FAXC: variants seen among roughly 807,000 people sequenced by gnomAD.
The protein encoded by FAXC is failed axon connections homolog, metaxin like GST domain containing.
A neutral mutation model predicts 41.9 loss-of-function variants in FAXC; 10 were observed. That is an observed-to-expected ratio of 0.24 (90% CI 0.15 to 0.41). The LOEUF (loss-of-function observed/expected upper bound fraction) is 0.41, where lower values mean the gene tolerates loss of function less well. Among genes scored for constraint, FAXC ranks in the 10% least tolerant of loss-of-function variants. FAXC has a pLI of 1.00. For missense variants in FAXC, 399 were observed against 510.9 expected (o/e 0.78, Z 2.11); for synonymous variants, 183 against 183.8 (o/e 1.00, Z 0.03).
At position 99,272,500 on chromosome 6, in the gene FAXC, G is replaced by C. The variant is rs1369810086; in HGVS notation, c.*8664C>G. On this transcript the variant is annotated 3_prime_UTR_variant, in exon 6 of 6. Coordinates refer to ENST00000389677, the MANE Select transcript of FAXC (RefSeq NM_032511.4). The stretch of plus-strand genomic sequence containing the variant: ...TAATTGAGACAATATTTATACAAGG[G>C]GAAATTGGTCTATTATAAGGCCTAG... 1 of 152,076 alleles carries C rather than the reference G, an allele frequency of 6.6e-6. No homozygotes were observed. The highest frequency in any genetic ancestry group is 1.5e-5 in the Non-Finnish European group (1 of 68,030). The allele number at this position is 152,076 out of a possible 1,614,324, so 9.4% of individuals were successfully genotyped here.
intron 5 of FAXC, among the ~76,000 whole-genome samples, chr6:99,287,038 G>C (rs1771055133): frequency 6.6e-6 from 1 of 152,080 alleles, no homozygotes; most frequent in Admixed American, 6.5e-5. Flanking sequence ...AGATGAGCAA[G>C]AGTATATATT....
intron 4 of FAXC, among the ~76,000 whole-genome samples, chr6:99,322,598 T>C (rs888727770): frequency 6.6e-6 from 1 of 152,230 alleles, no homozygotes; most frequent in South Asian, 2.1e-4. Context: ...CCTGGTCAGA[T>C]GACCTAGTCA....
intron 1 of FAXC, among the ~76,000 whole-genome samples, chr6:99,346,995 C>G (rs1773617360): frequency 6.6e-6 from 1 of 152,120 alleles, no homozygotes; most frequent in Non-Finnish European, 1.5e-5. Context: ...AGTATGGTGG[C>G]TCACACCTAT....
chr6:99,282,194 G>A (rs2128446506), intron 5 of FAXC, among the ~76,000 whole-genome samples: 1 of 152,276 alleles, frequency 6.6e-6, no homozygotes, highest in Non-Finnish European at 1.5e-5. Flanking sequence ...AGCTAATGCT[G>A]TGATTGGTTC....
intron 4 of FAXC, among the ~76,000 whole-genome samples, chr6:99,296,595 C>A (rs76414856): frequency 0.024 from 3,587 of 152,200 alleles, 63 homozygotes; most frequent in Non-Finnish European, 0.037. Context: ...TTCTAAGCAC[C>A]CAGAACACCT....
chr6:99,319,069 C>T (rs949264821), intron 4 of FAXC, among the ~76,000 whole-genome samples: 19 of 152,164 alleles, frequency 1.2e-4, no homozygotes, highest in Non-Finnish European at 8.8e-5. Context: ...AACACACACA[C>T]CTTCCCCAAG....
chr6:99,317,710 A>G (rs1772416992), intron 4 of FAXC, among the ~76,000 whole-genome samples: 2 of 152,138 alleles, frequency 1.3e-5, no homozygotes, highest in African/African-American at 4.8e-5. Context: ...ACTAGAGTCT[A>G]TCTTCCATTC....
rs1292667921 is a variant in FAXC, at chr6:99,349,431, G to GCCGGCGCGGC, written c.-69_-60dup. 2.5e-5 allele frequency: 32 copies of GCCGGCGCGGC among 1,269,174 alleles called. No individual in the cohort carries two copies. The highest frequency in any genetic ancestry group is 3.1e-5 in the Non-Finnish European group (31 of 1,007,152). The allele number at this position is 1,269,174 out of a possible 1,614,324, so 78.6% of individuals were successfully genotyped here. On this transcript the variant is annotated 5_prime_UTR_variant, in exon 1 of 6. Coordinates refer to ENST00000389677, the MANE Select transcript of FAXC (RefSeq NM_032511.4). ...GCCCGCGCCGCCCGCATGGGAAGGG[G>GCCGGCGCGGC]CCGGCGCGGCCCGGCGCGGGCTCAG...
intron 4 of FAXC, among the ~76,000 whole-genome samples, chr6:99,320,300 T>G (rs1772541842): frequency 6.6e-6 from 1 of 152,230 alleles, no homozygotes; most frequent in African/African-American, 2.4e-5. Context: ...TAAATATTAT[T>G]AATGTATTTT....
chr6:99,308,296 G>A (rs1468825169), intron 4 of FAXC, among the ~76,000 whole-genome samples: 1 of 152,000 alleles, frequency 6.6e-6, no homozygotes, highest in Non-Finnish European at 1.5e-5. Flanking sequence ...AATCCAAAAA[G>A]GAAAAATATT....
chr6:99,338,986 G>A (rs935667103), intron 2 of FAXC, among the ~76,000 whole-genome samples: 26 of 152,148 alleles, frequency 1.7e-4, no homozygotes, highest in African/African-American at 5.3e-4. Context: ...TGTCCCCAGA[G>A]GCCCTGCATT....
intron 3 of FAXC, among the ~76,000 whole-genome samples, chr6:99,324,556 C>A (rs1376470756): frequency 6.6e-6 from 1 of 152,164 alleles, no homozygotes; most frequent in African/African-American, 2.4e-5. Context: ...TCTAGGTGAT[C>A]CTAGTGGTAA....
intron 3 of FAXC, among the ~76,000 whole-genome samples, chr6:99,327,977 C>T (rs553028221): frequency 6.6e-6 from 1 of 152,320 alleles, no homozygotes; most frequent in South Asian, 2.1e-4. Context: ...ATGATTTGCT[C>T]CAATGTATAC....
chr6:99,281,004 T>C lies in FAXC; in HGVS notation c.*160A>G, dbSNP rs1184839743. ...GTCATCTGAATGGTTCTGTGTTTTG[T>C]TTGTACAAAAAAGAAATAAGGCTGC... On this transcript the variant is annotated 3_prime_UTR_variant, in exon 6 of 6. Coordinates refer to ENST00000389677, the MANE Select transcript of FAXC (RefSeq NM_032511.4). 1.6e-6 allele frequency: 1 copy of C among 606,538 alleles called. No individual in the cohort carries two copies. The highest frequency in any genetic ancestry group is 1.8e-5 in the African/African-American group (1 of 54,142). 37.6% of individuals were successfully genotyped at this position (606,538 alleles called of 1,614,324 possible).
intron 3 of FAXC, among the ~76,000 whole-genome samples, chr6:99,324,143 C>T (rs1282467137): frequency 6.6e-6 from 1 of 151,158 alleles, no homozygotes; most frequent in Non-Finnish European, 1.5e-5. Flanking sequence ...TTAAGCTGCA[C>T]ATTTGTTTTG....
At chr6:99,304,558 A>T (rs1409139362) in intron 4 of FAXC, among the ~76,000 whole-genome samples, 1 of 152,224 alleles carries the variant, frequency 6.6e-6, no homozygotes, top group Non-Finnish European at 1.5e-5. Context: ...TACTTTTTCT[A>T]ACAGGCTTCT....
At chr6:99,310,636 G>T (rs948325694) in intron 4 of FAXC, among the ~76,000 whole-genome samples, 1 of 152,184 alleles carries the variant, frequency 6.6e-6, no homozygotes, top group Non-Finnish European at 1.5e-5. Context: ...AATGTCTATG[G>T]TTTTTTTCTT....
At chr6:99,294,790 T>C (rs1157521561) in intron 4 of FAXC, among the ~76,000 whole-genome samples, 4 of 151,898 alleles carry the variant, frequency 2.6e-5, no homozygotes, top group African/African-American at 7.3e-5. Flanking sequence ...AACCTAGAAA[T>C]AGAACACACA....
rs75261721 is a variant in FAXC, at chr6:99,297,615, C to T, written c.824-5795G>A. Among the ~76,000 whole-genome samples the T allele has an allele frequency of 2.1e-3, 321 of 152,292 alleles. 9 individuals are homozygous for T. In the East Asian group the frequency reaches 0.055, roughly 26 times the overall value. On this transcript the variant is annotated intron_variant, in intron 4 of 5. Transcript: ENST00000389677. ...CAATCCTAGGCTGTTTGCTCACTGC[C>T]TGGCTCTGAGCCGCCCCCTTGGGGA... is the stretch of plus-strand genomic sequence containing the variant.
Sources: gnomAD v4.1 joint callset for allele counts (sites outside exome capture counted in the v4.1 genomes callset) on GRCh38, gnomAD v4.1.1 for gene constraint, MANE v1.5 for transcripts, NCBI Gene and HGNC (gene_info 2026-07-23, HGNC 2026-07-21) for gene names.